Variants in CHRM3 observed in about 807,000 individuals in gnomAD.
CHRM3 encodes the protein muscarinic acetylcholine receptor M3.
In CHRM3, 11 loss-of-function variants were observed where a neutral mutation model predicts 41.8. The observed-to-expected ratio is 0.26, with a 90% CI of 0.17 to 0.44. The LOEUF (loss-of-function observed/expected upper bound fraction) is 0.44, where lower values mean the gene tolerates loss of function less well. Ranked by LOEUF, CHRM3 falls within the 20% of genes least tolerant of loss-of-function variation. CHRM3 has a pLI of 1.00. For synonymous variants in CHRM3, 297 were observed against 301.4 expected (o/e 0.99, Z 0.15); for missense variants, 571 against 745.4 (o/e 0.77, Z 2.72).
intron 1 of CHRM3, among the ~76,000 whole-genome samples, chr1:239,484,090 C>T (rs1307940490): frequency 6.6e-6 from 1 of 152,098 alleles, no homozygotes; most frequent in South Asian, 2.1e-4. Flanking sequence ...TGGATGTATT[C>T]GTTCTTTCTT....
At chr1:239,407,279 T>A (rs1409542881) in intron 1 of CHRM3, among the ~76,000 whole-genome samples, 1 of 152,104 alleles carries the variant, frequency 6.6e-6, no homozygotes, top group East Asian at 1.9e-4. Flanking sequence ...TCATTCACCA[T>A]CTTCTGAATC....
rs1170410411 is a variant in CHRM3, at chr1:239,558,753, A to G, written c.-313+13004A>G. Among the ~76,000 whole-genome samples the G allele has an allele frequency of 2.6e-5, 4 of 152,288 alleles. No homozygotes were observed. The East Asian group carries it at 7.7e-4, about 29-fold the overall frequency. ...GGAAACTGTCTACTCATCCTTTAAT[A>G]TACAGGTCAAAAGTTTTTGCCTTAT... is the stretch of plus-strand genomic sequence containing the variant. On this transcript the variant is annotated intron_variant, in intron 3 of 6. Transcript: ENST00000676153.
intron 5 of CHRM3, among the ~76,000 whole-genome samples, chr1:239,773,162 A>G (rs1667825300): frequency 6.6e-6 from 1 of 152,192 alleles, no homozygotes; most frequent in African/African-American, 2.4e-5. Flanking sequence ...GGAAAGGGTT[A>G]CTCACTAATG....
intron 2 of CHRM3, among the ~76,000 whole-genome samples, chr1:239,517,928 A>G (rs1669381265): frequency 6.6e-6 from 1 of 152,152 alleles, no homozygotes; most frequent in Admixed American, 6.5e-5. Flanking sequence ...AAATATGGTG[A>G]AACCCCGTGT....
chr1:239,523,567 G>A (rs961322003), intron 2 of CHRM3, among the ~76,000 whole-genome samples: 3 of 152,082 alleles, frequency 2.0e-5, no homozygotes, highest in Non-Finnish European at 2.9e-5. Context: ...AATGTTTTAC[G>A]TTGTTTCTTG....
chr1:239,707,945 T>C (rs556168014), intron 5 of CHRM3, among the ~76,000 whole-genome samples: 214 of 152,364 alleles, frequency 1.4e-3, no homozygotes, highest in African/African-American at 4.8e-3. Flanking sequence ...TTATGAATAC[T>C]ATTTTAACTC....
chr1:239,674,649 G>C (rs1237175518), intron 4 of CHRM3, among the ~76,000 whole-genome samples: 3 of 147,700 alleles, frequency 2.0e-5, no homozygotes, highest in Non-Finnish European at 4.4e-5. Flanking sequence ...GGCAGAGCTT[G>C]CAGTGAGCCA....
In CHRM3 at chr1:239,547,747, G is replaced by A. The variant is rs187826817; in HGVS notation, c.-313+1998G>A. Among the ~76,000 whole-genome samples, 4 of 152,192 alleles carry A rather than the reference G, an allele frequency of 2.6e-5. No individual in the cohort carries two copies. The East Asian group carries it at 5.8e-4, about 22-fold the overall frequency. On this transcript the variant is annotated intron_variant, in intron 3 of 6. Coordinates refer to ENST00000676153, the MANE Select transcript of CHRM3 (RefSeq NM_001375978.1). The stretch of plus-strand genomic sequence containing the variant: ...CTGAATTTGAAAATGTCCTTGCCAC[G>A]TGTTATATTTAAAGGACTTTCATAA...
chr1:239,552,199 G>T (rs926028381), intron 3 of CHRM3, among the ~76,000 whole-genome samples: 17 of 147,654 alleles, frequency 1.2e-4, no homozygotes, highest in Non-Finnish European at 2.4e-4. Flanking sequence ...GTGTATAGAT[G>T]ATATGTATCG....
chr1:239,593,445 C>A (rs1010535824), intron 3 of CHRM3, among the ~76,000 whole-genome samples: 4 of 151,162 alleles, frequency 2.6e-5, no homozygotes, highest in African/African-American at 9.7e-5. Context: ...TAATTGGATT[C>A]ACTTGATTTA....
chr1:239,637,678 C>G (rs980191901), intron 4 of CHRM3, among the ~76,000 whole-genome samples: 1 of 149,838 alleles, frequency 6.7e-6, no homozygotes, highest in Non-Finnish European at 1.5e-5. Flanking sequence ...ATCATAGCAG[C>G]ACCTGACTGC....
intron 1 of CHRM3, among the ~76,000 whole-genome samples, chr1:239,465,176 A>G (rs557603193): frequency 6.6e-6 from 1 of 152,324 alleles, no homozygotes; most frequent in Admixed American, 6.5e-5. Flanking sequence ...ACACGCATGG[A>G]TAGGCCAGTC....
chr1:239,397,949 T>C (rs1659637685), intron 1 of CHRM3, among the ~76,000 whole-genome samples: 2 of 151,914 alleles, frequency 1.3e-5, no homozygotes, highest in African/African-American at 4.8e-5. Context: ...GAAGTAAACA[T>C]CAATATTCCC....
intron 6 of CHRM3, among the ~76,000 whole-genome samples, chr1:239,888,897 T>C (rs1310402879): frequency 6.6e-6 from 1 of 152,150 alleles, no homozygotes; most frequent in East Asian, 1.9e-4. Flanking sequence ...TTATGCAGAC[T>C]GAGTAACCAA....
intron 5 of CHRM3, among the ~76,000 whole-genome samples, chr1:239,801,917 T>C (rs1420875565): frequency 2.0e-5 from 3 of 152,152 alleles, no homozygotes; most frequent in Non-Finnish European, 4.4e-5. Flanking sequence ...ACTGAGCTCA[T>C]CCTGGGACAA....
At chr1:239,802,784 G>A (rs367813973) in intron 5 of CHRM3, among the ~76,000 whole-genome samples, 1 of 152,122 alleles carries the variant, frequency 6.6e-6, no homozygotes, top group African/African-American at 2.4e-5. Context: ...TTTTTGTAGA[G>A]ATGGGGTTTC....
At chr1:239,532,013 T>TTC (rs1284808856) in intron 2 of CHRM3, among the ~76,000 whole-genome samples, 2 of 115,742 alleles carry the variant, frequency 1.7e-5, no homozygotes, top group African/African-American at 6.4e-5. Flanking sequence ...TTCTTTCTTT[T>TTC]TTTTTTTTTT....
chr1:239,722,416 T>C (rs984840665), intron 5 of CHRM3, among the ~76,000 whole-genome samples: 4 of 151,922 alleles, frequency 2.6e-5, no homozygotes, highest in Non-Finnish European at 4.4e-5. Flanking sequence ...ATATTATTTT[T>C]GCTACCTTAA....
intron 1 of CHRM3, among the ~76,000 whole-genome samples, chr1:239,445,213 C>G (rs571687439): frequency 9.2e-5 from 14 of 152,268 alleles, no homozygotes; most frequent in African/African-American, 3.1e-4. Context: ...GCTAGCTGGT[C>G]TAATAATGAT....
Sources: allele counts gnomAD v4.1 joint callset (sites outside exome capture counted in the v4.1 genomes callset), GRCh38; gene constraint gnomAD v4.1.1; transcripts MANE v1.5; gene names NCBI Gene and HGNC (gene_info 2026-07-23, HGNC 2026-07-21).